The following MAD1L1 variants were observed in gnomAD, a reference collection of about 807,000 sequenced individuals.
The protein encoded by MAD1L1 is mitotic spindle assembly checkpoint protein MAD1.
Under a neutral mutation model 96.9 loss-of-function variants are expected in MAD1L1, and 95 were observed. That is an observed-to-expected ratio of 0.98 (90% CI 0.83 to 1.16). MAD1L1 has a LOEUF of 1.16. Among genes scored for constraint, MAD1L1 ranks in the 50% most tolerant of loss-of-function variants. The pLI, the probability that MAD1L1 is intolerant of heterozygous loss-of-function variation, is 0.00. For missense variants in MAD1L1, 1,007 were observed against 954.4 expected (o/e 1.06, Z -0.73); for synonymous variants, 473 against 396.6 (o/e 1.19, Z -2.29).
At chr7:1,854,804 G>T (rs1264826058) in intron 18 of MAD1L1, among the ~76,000 whole-genome samples, 2 of 152,218 alleles carry the variant, frequency 1.3e-5, no homozygotes, top group African/African-American at 4.8e-5. Flanking sequence ...ACATACGGGG[G>T]AGACAAAGGC....
At chr7:1,921,183 C>T (rs1788772199) in intron 17 of MAD1L1, among the ~76,000 whole-genome samples, 1 of 152,200 alleles carries the variant, frequency 6.6e-6, no homozygotes, top group Non-Finnish European at 1.5e-5. Flanking sequence ...GGGAGGCGGC[C>T]CTGAGGCGCC....
At chr7:2,163,570 T>A (rs969924697) in intron 10 of MAD1L1, among the ~76,000 whole-genome samples, 2 of 152,198 alleles carry the variant, frequency 1.3e-5, no homozygotes, top group Non-Finnish European at 2.9e-5. Context: ...AGACAGGGTT[T>A]CACTATGTTG....
At chr7:1,947,238 C>G (rs1191510434) in intron 16 of MAD1L1, among the ~76,000 whole-genome samples, 1 of 152,212 alleles carries the variant, frequency 6.6e-6, no homozygotes, top group African/African-American at 2.4e-5. Flanking sequence ...GCCCTATCCT[C>G]AAGGTCCCTG....
chr7:2,123,489 GCT>G (rs544571938), intron 11 of MAD1L1, among the ~76,000 whole-genome samples: 54 of 152,202 alleles, frequency 3.5e-4, no homozygotes, highest in African/African-American at 1.3e-3. Context: ...CACCCGGTGG[GCT>G]CTGTTTGCGC....
rs146486682 is a variant in MAD1L1, at chr7:2,079,263, C to T, written c.1074-9925G>A. 2.6e-3 allele frequency among the ~76,000 whole-genome samples: 394 copies of T among 152,276 alleles called. 3 individuals carry two copies. The highest frequency in any genetic ancestry group is 9.0e-3 in the African/African-American group (374 of 41,558). The stretch of plus-strand genomic sequence containing the variant: ...GCTGGGACTCCGAGAGGGCAGGTGC[C>T]CCAGGACATCAGGCTCAGCGTGGCA... On this transcript the variant is annotated intron_variant, in intron 11 of 18. Coordinates refer to ENST00000265854, the MANE Select transcript of MAD1L1 (RefSeq NM_001013836.2).
chr7:1,866,835 G>A (rs1365193807), intron 18 of MAD1L1, among the ~76,000 whole-genome samples: 3 of 152,224 alleles, frequency 2.0e-5, no homozygotes, highest in African/African-American at 7.2e-5. Flanking sequence ...GGCCCGGTGA[G>A]GGCCAAGGAG....
chr7:2,039,324 G>A (rs1274181293), intron 12 of MAD1L1, among the ~76,000 whole-genome samples: 1 of 152,246 alleles, frequency 6.6e-6, no homozygotes, highest in South Asian at 2.1e-4. Context: ...CTGCTAGGAA[G>A]AGTCCTCTGT....
chr7:1,863,503 G>A (rs1014290392), intron 18 of MAD1L1, among the ~76,000 whole-genome samples: 1 of 152,246 alleles, frequency 6.6e-6, no homozygotes, highest in Non-Finnish European at 1.5e-5. Context: ...CCCCCGCACA[G>A]CACGGCCTGG....
At chr7:1,925,448 G>A (rs751815858) in intron 17 of MAD1L1, among the ~76,000 whole-genome samples, 9 of 152,186 alleles carry the variant, frequency 5.9e-5, no homozygotes, top group Non-Finnish European at 1.0e-4. Flanking sequence ...TCTGGAGGCT[G>A]GCAAGTCCGA....
chr7:2,095,643 T>A (rs1562682117), intron 11 of MAD1L1, among the ~76,000 whole-genome samples: 1 of 151,858 alleles, frequency 6.6e-6, no homozygotes, highest in Non-Finnish European at 1.5e-5. Context: ...CTGGGCAGGG[T>A]GGGGCGAGGC....
intron 17 of MAD1L1, among the ~76,000 whole-genome samples, chr7:1,914,741 G>A (rs1788263690): frequency 1.3e-5 from 2 of 152,168 alleles, no homozygotes; most frequent in Non-Finnish European, 2.9e-5. Context: ...AGCCTCCAGA[G>A]TAGCTGGGAT....
rs979234003 is a variant in MAD1L1 at position 2,216,213 on chromosome 7, C to G, written c.753G>C (p.Arg251=). Reference sequence around the variant, plus strand: ...TCAGCTCCCGTTCCAGCCTAGGGAGCCGTACCAGCTCAGACTTCATGTTCT... The same window carrying G: ...TCAGCTCCCGTTCCAGCCTAGGGAGGCGTACCAGCTCAGACTTCATGTTCT... ...IVKNMKSELV[R]LPRLERELKQ... is the part of the protein sequence containing the mutation. The change falls in exon 8 of 19, where the codon CGG becomes CGC. Residue 251 remains arginine (R), a synonymous_variant. Transcript: ENST00000265854. 4 of 1,613,984 alleles carry G rather than the reference C, an allele frequency of 2.5e-6. No individual in the cohort carries two copies. The highest frequency in any genetic ancestry group is 3.4e-6 in the Non-Finnish European group (4 of 1,180,046).
chr7:2,149,211 C>G lies in MAD1L1; in HGVS notation c.1014G>C (p.Val338=), dbSNP rs1188092074. 6.2e-7 allele frequency: 1 copy of G among 1,614,102 alleles called. No individual in the cohort carries two copies. The highest frequency in any genetic ancestry group is 8.5e-7 in the Non-Finnish European group (1 of 1,180,014). Residue 338 remains valine, a synonymous_variant, in exon 11 of 19, where the codon GTG becomes GTC. Transcript: ENST00000265854. ...IRTPEDLSRF[V]VELQQRELAL... The stretch of plus-strand genomic sequence containing the variant: ...CAAGCTCCCTCTGCTGCAGCTCAAC[C>G]ACGAATCTGGAAAGGTCTTCTGGAG...
intron 16 of MAD1L1, among the ~76,000 whole-genome samples, chr7:1,948,597 G>A (rs749749364): frequency 2.6e-5 from 4 of 152,198 alleles, no homozygotes; most frequent in Non-Finnish European, 5.9e-5. Context: ...AGCTGGGAGG[G>A]GTCATGCCTG....
At chr7:2,124,095 C>A (rs945828937) in intron 11 of MAD1L1, among the ~76,000 whole-genome samples, 1 of 152,218 alleles carries the variant, frequency 6.6e-6, no homozygotes, top group Admixed American at 6.5e-5. Flanking sequence ...GCTCTCAGTA[C>A]CCCCAGTACA....
chr7:1,946,105 C>T (rs944325458), intron 16 of MAD1L1, among the ~76,000 whole-genome samples: 1 of 152,196 alleles, frequency 6.6e-6, no homozygotes, highest in African/African-American at 2.4e-5. Context: ...GTGGGCTCTG[C>T]AGCCCAGGAG....
At chr7:2,050,867 T>C (rs1784137436) in intron 12 of MAD1L1, among the ~76,000 whole-genome samples, 1 of 152,086 alleles carries the variant, frequency 6.6e-6, no homozygotes, top group African/African-American at 2.4e-5. Flanking sequence ...AGGAGGGGCC[T>C]AGAGAGGGTT....
intron 11 of MAD1L1, among the ~76,000 whole-genome samples, chr7:2,133,073 G>T (rs1205431076): frequency 2.0e-5 from 3 of 150,204 alleles, no homozygotes; most frequent in Non-Finnish European, 3.0e-5. Flanking sequence ...CTCCTCACGT[G>T]CTTCTCCGTC....
chr7:1,965,771 T>G (rs1780140069), intron 15 of MAD1L1, among the ~76,000 whole-genome samples: 1 of 152,246 alleles, frequency 6.6e-6, no homozygotes, highest in Non-Finnish European at 1.5e-5. Context: ...CTAGCTGCGT[T>G]TTCCTCCCTG....
Sources: allele counts gnomAD v4.1 joint callset (sites outside exome capture counted in the v4.1 genomes callset), GRCh38; gene constraint gnomAD v4.1.1; transcripts MANE v1.5; gene names NCBI Gene and HGNC (gene_info 2026-07-23, HGNC 2026-07-21).